CISD3: variants seen among roughly 807,000 people sequenced by gnomAD.
CISD3 encodes the protein CDGSH iron-sulfur domain-containing protein 3, mitochondrial.
Under a neutral mutation model 14.1 loss-of-function variants are expected in CISD3, and 11 were observed. The ratio of observed to expected loss-of-function variants is 0.78; its 90% CI spans 0.49 to 1.29. CISD3 has a LOEUF of 1.29. Among genes scored for constraint, CISD3 ranks in the 50% most tolerant of loss-of-function variants. The pLI is 0.00. For missense variants in CISD3, 156 were observed against 171.6 expected (o/e 0.91, Z 0.51); for synonymous variants, 53 against 69.2 (o/e 0.77, Z 1.16).
At position 38,734,980 on chromosome 17, in the gene CISD3, A is replaced by C; in HGVS notation, c.*1525A>C. 1 of 341,522 alleles carries C rather than the reference A, an allele frequency of 2.9e-6. No homozygotes were observed. The allele number at this position is 341,522 out of a possible 1,614,324, so 21.2% of individuals were successfully genotyped here. ...AAAAAAAATGAACACCATTTTCCAC[A>C]CATACACACACACATAAAGTTTGTT... On this transcript the variant is annotated 3_prime_UTR_variant, in exon 4 of 4. Transcript: ENST00000613478.
Position 38,735,376 on chromosome 17 carries a change from G to T in CISD3, c.*1921G>T. 1 of 1,564,926 alleles carries T rather than the reference G, an allele frequency of 6.4e-7. No homozygotes were observed. Among genetic ancestry groups the T allele is most frequent in the Non-Finnish European group, 8.7e-7 (1 of 1,153,586 alleles). On this transcript the variant is annotated 3_prime_UTR_variant, in exon 4 of 4. Transcript: ENST00000613478. ...GGGGAGTGGGGGAGGTAGGGTGGGTGGCTGGAGGCCCATGGGAACTGGGAG... is the reference window on the plus strand; with the variant it reads ...GGGGAGTGGGGGAGGTAGGGTGGGTTGCTGGAGGCCCATGGGAACTGGGAG...
At chr17:38,731,006 A>G in intron 2 of CISD3, 1 of 641,094 alleles carries the variant, frequency 1.6e-6, no homozygotes, top group East Asian at 2.7e-5. Flanking sequence ...ACCAAGCCCC[A>G]GTGTGGGTGG....
intron 2 of CISD3, 50 bp from the exon 3 acceptor site, chr17:38,731,270 G>A (rs1906322112): frequency 2.6e-6 from 4 of 1,542,112 alleles, no homozygotes; most frequent in South Asian, 2.4e-5. Context: ...GCCGGACGGT[G>A]CTTCCAGGGC....
chr17:38,734,997 A>G lies in CISD3; in HGVS notation c.*1542A>G. 2.7e-6 allele frequency: 1 copy of G among 369,712 alleles called. No homozygotes were observed. The highest frequency in any genetic ancestry group is 4.8e-6 in the Non-Finnish European group (1 of 209,210). The allele number at this position is 369,712 out of a possible 1,614,324, so 22.9% of individuals were successfully genotyped here. On this transcript the variant is annotated 3_prime_UTR_variant, in exon 4 of 4. Coordinates refer to ENST00000613478, the MANE Select transcript of CISD3 (RefSeq NM_001136498.2). Reference sequence around the variant, plus strand: ...TTTTCCACACATACACACACACATAAAGTTTGTTTCCTGTGGCATTTAAAT... The same window carrying G: ...TTTTCCACACATACACACACACATAGAGTTTGTTTCCTGTGGCATTTAAAT...
At chr17:38,731,148 C>T (rs1906315475) in intron 2 of CISD3, 172 bp from the exon 3 acceptor site, 2 of 885,262 alleles carry the variant, frequency 2.3e-6, no homozygotes, top group Non-Finnish European at 3.3e-6. Flanking sequence ...GTCCAAAGCT[C>T]ACGGTCCTAT....
intron 3 of CISD3, 65 bp downstream of exon 3, chr17:38,731,504 G>GTTCCCACCCAGGATGATCTTATTC: frequency 1.3e-6 from 2 of 1,543,980 alleles, no homozygotes; most frequent in Non-Finnish European, 1.8e-6. Flanking sequence ...TCTCCAGTGA[G>GTTCCCACCCAGGATGATCTTATTC]TTCCCACCCA....
Position 38,733,596 on chromosome 17 carries a change from A to G in CISD3, c.*141A>G. On this transcript the variant is annotated 3_prime_UTR_variant, in exon 4 of 4. Coordinates refer to ENST00000613478, the MANE Select transcript of CISD3 (RefSeq NM_001136498.2). ...GCTCATGAAGGAAGAATTATTCCTTATAACCTAAAAGTCTCCAGTCTGGGG... is the reference window on the plus strand; with the variant it reads ...GCTCATGAAGGAAGAATTATTCCTTGTAACCTAAAAGTCTCCAGTCTGGGG... 1 of 905,106 alleles carries G rather than the reference A, an allele frequency of 1.1e-6. No homozygotes were observed. The highest frequency in any genetic ancestry group is 1.9e-5 in the South Asian group (1 of 53,138). The allele number at this position is 905,106 out of a possible 1,614,324, so 56.1% of individuals were successfully genotyped here.
Position 38,734,966 on chromosome 17 carries a change from A to C in CISD3, c.*1511A>C. ...ACAAGACCCCCCCCAAAAAAAATGA[A>C]CACCATTTTCCACACATACACACAC... is the stretch of plus-strand genomic sequence containing the variant. On this transcript the variant is annotated 3_prime_UTR_variant, in exon 4 of 4. Coordinates refer to ENST00000613478, the MANE Select transcript of CISD3 (RefSeq NM_001136498.2). 3.2e-6 allele frequency: 1 copy of C among 311,582 alleles called. No homozygotes were observed. 19.3% of individuals were successfully genotyped at this position (311,582 alleles called of 1,614,324 possible).
Position 38,731,438 on chromosome 17 carries a change from A to T in CISD3, c.203A>T (p.Gln68Leu). 1.3e-6 allele frequency: 2 copies of T among 1,551,596 alleles called. No homozygotes were observed. The highest frequency in any genetic ancestry group is 2.4e-5 in the South Asian group (2 of 84,042). The change falls in exon 3 of 4, where the codon CAG (glutamine) becomes CTG (leucine). Residue 68 changes from glutamine (Q) to leucine (L), a missense_variant and splice_region_variant. By Grantham distance (113) the Gln-to-Leu change is moderately radical. Coordinates refer to ENST00000613478, the MANE Select transcript of CISD3 (RefSeq NM_001136498.2). ...RWCVCGRSKKQPFCDGSHFFQ... is the reference protein window; with the variant it reads ...RWCVCGRSKKLPFCDGSHFFQ... ...TGTGTGTGTGGCCGCAGCAAGAAGC[A>T]GGTGAGACCCCTGTCTGCCTTCCTA...
Position 38,733,372 on chromosome 17 carries a change from AAGGCCACT to A in CISD3, c.302_309del (p.Lys101ThrfsTer13). On this transcript the variant is annotated frameshift_variant, in exon 4 of 4. Transcript: ENST00000613478. LOFTEE classifies it high-confidence loss of function. ...CCGCATGGTGGCACTCTGTACCTGC[AAGGCCACT>A]CAGAGGCCCCCGTACTGCGATGGCA... 3 of 1,551,718 alleles carry A rather than the reference AAGGCCACT, an allele frequency of 1.9e-6. No homozygotes were observed. The highest frequency in any genetic ancestry group is 2.6e-6 in the Non-Finnish European group (3 of 1,146,984).
At chr17:38,733,149 T>C (rs879887397) in intron 3 of CISD3, 127 bp from the exon 4 acceptor site, 1 of 796,622 alleles carries the variant, frequency 1.3e-6, no homozygotes, top group Non-Finnish European at 2.0e-6. Context: ...TCAGTGAGCC[T>C]TGGCAGTCTT....
intron 2 of CISD3, 77 bp downstream of exon 2, chr17:38,730,872 G>T (rs529096552): frequency 1.4e-6 from 2 of 1,441,114 alleles, no homozygotes; most frequent in Non-Finnish European, 1.9e-6. Flanking sequence ...AACAGGAAAT[G>T]GAGCTAGGAA....
Position 38,735,212 on chromosome 17 carries a change from G to A in CISD3, c.*1757G>A. The A allele has an allele frequency of 1.4e-6, 2 of 1,394,650 alleles. No individual in the cohort carries two copies. Among genetic ancestry groups the A allele is most frequent in the East Asian group, 5.3e-5 (2 of 37,772 alleles). 86.4% of individuals were successfully genotyped at this position (1,394,650 alleles called of 1,614,324 possible). A position where few individuals can be genotyped will look rare whatever the true frequency, so the allele number is the denominator to read the frequency against. ...GAGGCTTGGCTGGAAGAAGGGAGAG[G>A]GTCCCTGGCCTCAAGTTAAGGGGGG... On this transcript the variant is annotated 3_prime_UTR_variant, in exon 4 of 4. Coordinates refer to ENST00000613478, the MANE Select transcript of CISD3 (RefSeq NM_001136498.2).
At position 38,733,346 on chromosome 17, in the gene CISD3, C is replaced by T. The variant is rs1214617692; in HGVS notation, c.275C>T (p.Thr92Ile). 1 of 1,551,748 alleles carries T rather than the reference C, an allele frequency of 6.4e-7. No homozygotes were observed. Among genetic ancestry groups the T allele is most frequent in the East Asian group, 2.4e-5 (1 of 40,930 alleles). ...LSPLKFKAQE[T>I]RMVALCTCKA... ...CCACTCAAGTTCAAGGCCCAAGAGA[C>T]CCGCATGGTGGCACTCTGTACCTGC... is the stretch of plus-strand genomic sequence containing the variant. Residue 92 changes from threonine to isoleucine, a missense_variant, in exon 4 of 4, where the codon ACC becomes ATC. Thr to Ile is a moderately conservative substitution (Grantham distance 89, BLOSUM62 -1). Transcript: ENST00000613478.
chr17:38,731,804 C>T, intron 3 of CISD3: 18 of 248,136 alleles, frequency 7.3e-5, no homozygotes, highest in South Asian at 4.2e-4. Flanking sequence ...ACCCCAAAAG[C>T]CTACAGCACC....
intron 2 of CISD3, 103 bp downstream of exon 2, chr17:38,730,898 C>T (rs1906304306): frequency 7.9e-7 from 1 of 1,262,026 alleles, no homozygotes; most frequent in Non-Finnish European, 1.1e-6. Flanking sequence ...CAGGCCTATT[C>T]CCTGGAGTTA....
In CISD3 at chr17:38,731,309, C is replaced by T. The variant is rs760962333; in HGVS notation, c.85-11C>T. On this transcript the variant is annotated splice_polypyrimidine_tract_variant and intron_variant, in intron 2 of 3. Transcript: ENST00000613478. ...AGCTAACCCTGAGCCCCTCATCTTC[C>T]CTGGCCACAGGCCCAGTGGTTCCCT... is the stretch of plus-strand genomic sequence containing the variant. 4.8e-5 allele frequency: 75 copies of T among 1,550,816 alleles called. No individual in the cohort carries two copies. The highest frequency in any genetic ancestry group is 6.1e-5 in the Non-Finnish European group (70 of 1,146,906).
Position 38,735,245 on chromosome 17 carries a change from G to C in CISD3, c.*1790G>C. On this transcript the variant is annotated 3_prime_UTR_variant, in exon 4 of 4. Coordinates refer to ENST00000613478, the MANE Select transcript of CISD3 (RefSeq NM_001136498.2). ...GCCTCAAGTTAAGGGGGGCACGGGA[G>C]CGCCGTTGACAGTCATCTTGCGCCC... 3 of 1,446,730 alleles carry C rather than the reference G, an allele frequency of 2.1e-6. No individual in the cohort carries two copies. Among genetic ancestry groups the C allele is most frequent in the Non-Finnish European group, 2.8e-6 (3 of 1,089,228 alleles). 89.6% of individuals were successfully genotyped at this position (1,446,730 alleles called of 1,614,324 possible). A position where few individuals can be genotyped will look rare whatever the true frequency, so the allele number is the denominator to read the frequency against.
intron 3 of CISD3, 89 bp downstream of exon 3, chr17:38,731,528 C>A: frequency 6.6e-7 from 1 of 1,508,858 alleles, no homozygotes; most frequent in Non-Finnish European, 9.0e-7. Context: ...TGATCTTATT[C>A]TTCCCACACA....
Sources: allele counts gnomAD v4.1 joint callset, GRCh38; gene constraint gnomAD v4.1.1; transcripts MANE v1.5; gene names NCBI Gene and HGNC (gene_info 2026-07-23, HGNC 2026-07-21).